CDK19: variants seen among roughly 807,000 people sequenced by gnomAD.
The protein encoded by CDK19 is cyclin-dependent kinase 19.
CDK19 carries 20 observed loss-of-function variants against 68.3 expected under a neutral mutation model. The observed-to-expected ratio is 0.29, with a 90% confidence interval of 0.21 to 0.43. CDK19 has a LOEUF of 0.43. CDK19 is among the 20% of genes least tolerant of loss of function. The probability of loss-of-function intolerance (pLI) is 1.00; values close to 1 mark genes in which losing one functional copy is unlikely to be tolerated. For synonymous variants in CDK19, 221 were observed against 222.8 expected (o/e 0.99, Z 0.07); for missense variants, 339 against 623.5 (o/e 0.54, Z 4.86).
intron 2 of CDK19, among the ~76,000 whole-genome samples, chr6:110,692,396 G>A (rs1037185354): frequency 6.6e-6 from 1 of 151,994 alleles, no homozygotes; most frequent in Non-Finnish European, 1.5e-5. Flanking sequence ...AGAATTTCAG[G>A]CTCGAAGCTA....
chr6:110,761,603 C>CAT (rs1779236568), intron 1 of CDK19, among the ~76,000 whole-genome samples: 1 of 151,756 alleles, frequency 6.6e-6, no homozygotes, highest in Admixed American at 6.6e-5. Context: ...TCTGGACACA[C>CAT]ATATAGTTTA....
chr6:110,745,596 C>T (rs535098933), intron 2 of CDK19, among the ~76,000 whole-genome samples: 1 of 152,142 alleles, frequency 6.6e-6, no homozygotes, highest in East Asian at 1.9e-4. Flanking sequence ...TAAATTAAAT[C>T]ATTTTGTTCA....
intron 2 of CDK19, among the ~76,000 whole-genome samples, chr6:110,683,824 C>T (rs1178059402): frequency 6.6e-6 from 1 of 150,988 alleles, no homozygotes; most frequent in African/African-American, 2.4e-5. Context: ...GCCTCAGCCT[C>T]CCGAGTAGCT....
chr6:110,661,399 TG>T (rs1353900720), intron 4 of CDK19, among the ~76,000 whole-genome samples: 6 of 152,356 alleles, frequency 3.9e-5, no homozygotes, highest in African/African-American at 1.4e-4. Context: ...GGGGAATATC[TG>T]TACTTTCCTC....
chr6:110,697,504 T>A (rs1773580132), intron 2 of CDK19, among the ~76,000 whole-genome samples: 1 of 152,094 alleles, frequency 6.6e-6, no homozygotes, highest in South Asian at 2.1e-4. Context: ...CTGAAAGAAG[T>A]CATAGATGAC....
At chr6:110,618,475 G>C (rs1778490828) in intron 12 of CDK19, among the ~76,000 whole-genome samples, 1 of 152,154 alleles carries the variant, frequency 6.6e-6, no homozygotes, top group African/African-American at 2.4e-5. Context: ...TTCTTGAGTT[G>C]TGTACTTTTC....
intron 2 of CDK19, among the ~76,000 whole-genome samples, chr6:110,683,806 A>C (rs549020717): frequency 0.019 from 2,806 of 147,282 alleles, 39 homozygotes; most frequent in Non-Finnish European, 0.031. Flanking sequence ...GGTTGAAGTG[A>C]TTCTCCTGCC....
rs1433956623 is a variant in CDK19, at chr6:110,614,211, C to G, written c.*324G>C. 4.7e-6 allele frequency: 1 copy of G among 212,210 alleles called. No homozygotes were observed. Among genetic ancestry groups the G allele is most frequent in the Non-Finnish European group, 9.5e-6 (1 of 105,720 alleles). The allele number at this position is 212,210 out of a possible 1,614,324, so 13.1% of individuals were successfully genotyped here. A position where few individuals can be genotyped will look rare whatever the true frequency, so the allele number is the denominator to read the frequency against. On this transcript the variant is annotated 3_prime_UTR_variant, in exon 13 of 13. Transcript: ENST00000368911. ...AAAAGATAAACCATAGTGATTGCTACAGCATGAGAAAGGTGCACCAGGAAA... is the reference window on the plus strand; with the variant it reads ...AAAAGATAAACCATAGTGATTGCTAGAGCATGAGAAAGGTGCACCAGGAAA...
chr6:110,653,624 G>A (rs1339231055), intron 4 of CDK19, among the ~76,000 whole-genome samples: 1 of 152,100 alleles, frequency 6.6e-6, no homozygotes, highest in East Asian at 1.9e-4. Flanking sequence ...TAAGTTATCG[G>A]CAATAAAATC....
At chr6:110,646,937 T>C (rs1396475720) in intron 4 of CDK19, among the ~76,000 whole-genome samples, 1 of 151,978 alleles carries the variant, frequency 6.6e-6, no homozygotes, top group Non-Finnish European at 1.5e-5. Flanking sequence ...CAGTCTTTTG[T>C]GGAGGGAACC....
chr6:110,726,538 C>T (rs1414858113), intron 2 of CDK19, among the ~76,000 whole-genome samples: 2 of 152,092 alleles, frequency 1.3e-5, no homozygotes, highest in Non-Finnish European at 1.5e-5. Flanking sequence ...TTATAGATAC[C>T]TAAGTGAATA....
intron 2 of CDK19, among the ~76,000 whole-genome samples, chr6:110,743,087 T>G (rs1777798233): frequency 6.6e-6 from 1 of 152,148 alleles, no homozygotes; most frequent in Non-Finnish European, 1.5e-5. Context: ...TCAGACCGGC[T>G]GACACTTACG....
At chr6:110,710,956 G>T (rs564585817) in intron 2 of CDK19, among the ~76,000 whole-genome samples, 1 of 152,120 alleles carries the variant, frequency 6.6e-6, no homozygotes, top group Non-Finnish European at 1.5e-5. Flanking sequence ...GGGGTTAGCC[G>T]CAACTGATCT....
In CDK19 at chr6:110,815,224, T is replaced by G; in HGVS notation, c.-88A>C. On this transcript the variant is annotated 5_prime_UTR_variant, in exon 1 of 13. Coordinates refer to ENST00000368911, the MANE Select transcript of CDK19 (RefSeq NM_015076.5). The stretch of plus-strand genomic sequence containing the variant: ...CTCCCCCCGCGACCGCCGCTCCACT[T>G]CTCCAACAGCCGCCTCTCGCGCGCG... 2 of 1,227,464 alleles carry G rather than the reference T, an allele frequency of 1.6e-6. No individual in the cohort carries two copies. The highest frequency in any genetic ancestry group is 1.0e-6 in the Non-Finnish European group (1 of 963,454). 76.0% of individuals were successfully genotyped at this position (1,227,464 alleles called of 1,614,324 possible).
At chr6:110,662,683 A>G (rs1781693049) in intron 4 of CDK19, among the ~76,000 whole-genome samples, 1 of 152,190 alleles carries the variant, frequency 6.6e-6, no homozygotes, top group African/African-American at 2.4e-5. Flanking sequence ...CATTCTTCCA[A>G]TCTACCAAAA....
At chr6:110,731,881 G>A (rs1776788633) in intron 2 of CDK19, among the ~76,000 whole-genome samples, 1 of 152,130 alleles carries the variant, frequency 6.6e-6, no homozygotes, top group Non-Finnish European at 1.5e-5. Context: ...CAAATGAGAA[G>A]GGATAATGAA....
intron 2 of CDK19, among the ~76,000 whole-genome samples, chr6:110,695,852 A>T (rs1367231508): frequency 2.7e-5 from 4 of 149,478 alleles, no homozygotes; most frequent in Non-Finnish European, 6.0e-5. Context: ...AATAGTAATT[A>T]AAAAAAAAAC....
intron 6 of CDK19, among the ~76,000 whole-genome samples, chr6:110,628,710 C>G (rs919927703): frequency 9.9e-5 from 15 of 152,220 alleles, no homozygotes; most frequent in Non-Finnish European, 2.2e-4. Flanking sequence ...GAAGACGCAT[C>G]AGAATGCTCT....
intron 4 of CDK19, chr6:110,645,982 G>A: frequency 8.6e-7 from 1 of 1,163,988 alleles, no homozygotes; most frequent in Non-Finnish European, 1.2e-6. Flanking sequence ...CACATGCAGC[G>A]CGTCTTCAAG....
Sources: allele counts gnomAD v4.1 joint callset (sites outside exome capture counted in the v4.1 genomes callset), GRCh38; gene constraint gnomAD v4.1.1; transcripts MANE v1.5; gene names NCBI Gene and HGNC (gene_info 2026-07-23, HGNC 2026-07-21).